BCAS3: variants seen among roughly 807,000 people sequenced by gnomAD.
BCAS3 encodes BCAS4/BCAS3 fusion.
In BCAS3, 53 loss-of-function variants were observed where a neutral mutation model predicts 116.1. The ratio of observed to expected loss-of-function variants is 0.46; its 90% CI spans 0.37 to 0.57. The LOEUF is 0.57. Ranked by LOEUF, BCAS3 falls within the 20% of genes least tolerant of loss-of-function variation. The pLI is 0.00. For missense variants in BCAS3, 917 were observed against 1,165.4 expected, an observed-to-expected ratio of 0.79 and a Z score of 3.10; for synonymous variants, 391 against 408.2, an observed-to-expected ratio of 0.96 and a Z score of 0.51.
intron 22 of BCAS3, among the ~76,000 whole-genome samples, chr17:61,284,412 A>G (rs1602408188): frequency 6.6e-6 from 1 of 152,160 alleles, no homozygotes; most frequent in Non-Finnish European, 1.5e-5. Flanking sequence ...GAGACCACGA[A>G]CCGACCGGAA....
At position 60,703,095 on chromosome 17, in the gene BCAS3, T is replaced by G. The variant is rs1374118610; in HGVS notation, c.215-6124T>G. On this transcript the variant is annotated intron_variant, in intron 4 of 23. Coordinates refer to ENST00000407086, the MANE Select transcript of BCAS3 (RefSeq NM_017679.5). ...TTTGAGACCAGCCTGGCCAACATGG[T>G]GAAACACCGTCTATACTAAAAATAC... 4.9e-5 allele frequency among the ~76,000 whole-genome samples: 7 copies of G among 142,162 alleles called. No individual in the cohort carries two copies. The South Asian group carries it at 1.6e-3, about 33-fold the overall frequency. The allele number at this position is 142,162 out of a possible 152,430, so 93.3% of individuals were successfully genotyped here.
rs374758062 is a variant in BCAS3 at position 61,318,988 on chromosome 17, A to G, written c.2426-49339A>G. On this transcript the variant is annotated intron_variant, in intron 22 of 23. Transcript: ENST00000407086. ...TTTGACCTGGTTCTGCCAGGAAGCCATGTGATCTTGAGCAAGCTCATTCTC... is the reference window on the plus strand; with the variant it reads ...TTTGACCTGGTTCTGCCAGGAAGCCGTGTGATCTTGAGCAAGCTCATTCTC... Among the ~76,000 whole-genome samples the G allele has an allele frequency of 5.3e-5, 8 of 152,230 alleles. No individual in the cohort carries two copies. The East Asian group carries it at 9.6e-4, about 18-fold the overall frequency.
chr17:60,998,390 T>C (rs564841010), intron 15 of BCAS3, among the ~76,000 whole-genome samples: 1 of 152,352 alleles, frequency 6.6e-6, no homozygotes, highest in South Asian at 2.1e-4. Flanking sequence ...TGTCAGATGG[T>C]AATTCTATTT....
rs1253389848 is a variant in BCAS3 at position 61,316,175 on chromosome 17, G to T, written c.2426-52152G>T. Reference sequence around the variant, plus strand: ...TACAAAATTAGCCAGGCATGGTGGTGCATGCCTGTGATCCCAGCTACTCAG... The same window carrying T: ...TACAAAATTAGCCAGGCATGGTGGTTCATGCCTGTGATCCCAGCTACTCAG... On this transcript the variant is annotated intron_variant, in intron 22 of 23. Transcript: ENST00000407086. This position sits in a 1 kb window ranked among gnomAD's most constrained non-coding sequence, Gnocchi z 5.8. Among the ~76,000 whole-genome samples, 1 of 152,056 alleles carries T rather than the reference G, an allele frequency of 6.6e-6. No individual in the cohort carries two copies. The highest frequency in any genetic ancestry group is 1.5e-5 in the Non-Finnish European group (1 of 68,020).
chr17:60,926,639 C>G (rs2059378791), intron 13 of BCAS3, among the ~76,000 whole-genome samples: 1 of 152,134 alleles, frequency 6.6e-6, no homozygotes, highest in Non-Finnish European at 1.5e-5. Context: ...ACTTGTAGCA[C>G]TCCACTTGGA....
At chr17:61,062,053 G>A (rs531156796) in intron 19 of BCAS3, among the ~76,000 whole-genome samples, 47 of 152,174 alleles carry the variant, frequency 3.1e-4, no homozygotes, top group African/African-American at 1.0e-3. Flanking sequence ...TTTGTTTATC[G>A]TTTTCCAACT....
rs2066892417 is a variant in BCAS3 at position 61,034,809 on chromosome 17, A to C, written c.1762+19A>C. 1.3e-6 allele frequency: 2 copies of C among 1,580,694 alleles called. No individual in the cohort carries two copies. The highest frequency in any genetic ancestry group is 1.7e-6 in the Non-Finnish European group (2 of 1,167,776). On this transcript the variant is annotated intron_variant, in intron 17 of 23. Coordinates refer to ENST00000407086, the MANE Select transcript of BCAS3 (RefSeq NM_017679.5). This position sits in a 1 kb window ranked among gnomAD's most constrained non-coding sequence, Gnocchi z 5.0. The stretch of plus-strand genomic sequence containing the variant: ...GAAAAAGGTATGTATTTTTACTGAA[A>C]AATGAATGCTCTATTTGTAATTTTT...
chr17:61,353,010 A>G (rs749021741), intron 22 of BCAS3, among the ~76,000 whole-genome samples: 65 of 152,204 alleles, frequency 4.3e-4, no homozygotes, highest in Non-Finnish European at 6.9e-4. Flanking sequence ...CTGGCAGCTG[A>G]AGGCAATTTG....
chr17:61,270,743 TTTTG>T (rs1442304417), intron 22 of BCAS3, among the ~76,000 whole-genome samples: 1 of 152,164 alleles, frequency 6.6e-6, no homozygotes, highest in South Asian at 2.1e-4. Flanking sequence ...TTTTGTTTTG[TTTTG>T]TTTGTTTGTT....
At chr17:60,793,389 C>G (rs2046944336) in intron 6 of BCAS3, among the ~76,000 whole-genome samples, 1 of 152,190 alleles carries the variant, frequency 6.6e-6, no homozygotes, top group Non-Finnish European at 1.5e-5. Flanking sequence ...GCCACCGTGC[C>G]TGGCCTTTAT....
At chr17:61,247,108 A>G (rs907898862) in intron 22 of BCAS3, among the ~76,000 whole-genome samples, 1 of 152,168 alleles carries the variant, frequency 6.6e-6, no homozygotes, top group Non-Finnish European at 1.5e-5. Flanking sequence ...TCCATGAGAA[A>G]TTATCACAGA....
At chr17:61,101,847 T>C (rs2074347366) in intron 22 of BCAS3, among the ~76,000 whole-genome samples, 1 of 152,180 alleles carries the variant, frequency 6.6e-6, no homozygotes, top group African/African-American at 2.4e-5. Context: ...TACCCATTAA[T>C]GCATGGGGAC....
At chr17:61,070,829 A>C (rs1241600978) in intron 19 of BCAS3, among the ~76,000 whole-genome samples, 1 of 152,190 alleles carries the variant, frequency 6.6e-6, no homozygotes, top group Non-Finnish European at 1.5e-5. Flanking sequence ...GACTAAAATC[A>C]AGAGACTTAC....
chr17:60,947,203 G>T lies in BCAS3; in HGVS notation c.1088-16G>T. On this transcript the variant is annotated splice_polypyrimidine_tract_variant and intron_variant, in intron 13 of 23. Transcript: ENST00000407086. ...ATAATCATTTTTATTTTTACCCTTT[G>T]TTTTTTGTCTTCCAGGAATGCTTCT... 2 of 1,601,836 alleles carry T rather than the reference G, an allele frequency of 1.2e-6. No homozygotes were observed. The highest frequency in any genetic ancestry group is 1.1e-5 in the South Asian group (1 of 90,184).
At position 61,388,810 on chromosome 17, in the gene BCAS3, C is replaced by A; in HGVS notation, c.2594-3167C>A. 1 of 1,115,436 alleles carries A rather than the reference C, an allele frequency of 9.0e-7. No homozygotes were observed. Among genetic ancestry groups the A allele is most frequent in the South Asian group, 1.4e-5 (1 of 69,976 alleles). 69.1% of individuals were successfully genotyped at this position (1,115,436 alleles called of 1,614,324 possible). A position where few individuals can be genotyped will look rare whatever the true frequency, so the allele number is the denominator to read the frequency against. On this transcript the variant is annotated intron_variant, in intron 23 of 23. Coordinates refer to ENST00000407086, the MANE Select transcript of BCAS3 (RefSeq NM_017679.5). This position sits in a 1 kb window ranked among gnomAD's most constrained non-coding sequence, Gnocchi z 6.5. ...CAGCCCTCCTCCCCTCCACTTCCCACACACACCCCTGCCTGCAGGGGGAGG... is the reference window on the plus strand; with the variant it reads ...CAGCCCTCCTCCCCTCCACTTCCCAAACACACCCCTGCCTGCAGGGGGAGG...
Position 61,037,804 on chromosome 17 carries a change from C to A in BCAS3, c.1763-85C>A. On this transcript the variant is annotated intron_variant, in intron 17 of 23. Coordinates refer to ENST00000407086, the MANE Select transcript of BCAS3 (RefSeq NM_017679.5). The surrounding 1 kb of genome is among the most constrained non-coding windows in gnomAD (Gnocchi z 4.7). ...TTCTCTGAGCAGCCTCAGGAGCAGA[C>A]TAATAAGATCATTAACTTGTAAAAA... 1.6e-6 allele frequency: 2 copies of A among 1,267,444 alleles called. No individual in the cohort carries two copies. Among genetic ancestry groups the A allele is most frequent in the South Asian group, 1.5e-5 (1 of 66,112 alleles). 78.5% of individuals were successfully genotyped at this position (1,267,444 alleles called of 1,614,324 possible). A position where few individuals can be genotyped will look rare whatever the true frequency, so the allele number is the denominator to read the frequency against.
At chr17:61,067,738 A>ATAT (rs1271397665) in intron 19 of BCAS3, among the ~76,000 whole-genome samples, 2,539 of 138,086 alleles carry the variant, frequency 0.018, 46 homozygotes, top group African/African-American at 0.074. Context: ...AAAAAAAAAA[A>ATAT]AAATATATAT....
At chr17:60,779,941 G>A (rs1401778749) in intron 6 of BCAS3, among the ~76,000 whole-genome samples, 1 of 151,622 alleles carries the variant, frequency 6.6e-6, no homozygotes, top group Non-Finnish European at 1.5e-5. Context: ...GGTGTCTATT[G>A]CAATATTTTT....
In BCAS3 at chr17:61,098,455, T is replaced by G. The variant is rs111324845; in HGVS notation, c.2425+13891T>G. 6.6e-6 allele frequency among the ~76,000 whole-genome samples: 1 copy of G among 152,186 alleles called. No homozygotes were observed. Among genetic ancestry groups the G allele is most frequent in the Non-Finnish European group, 1.5e-5 (1 of 68,044 alleles). On this transcript the variant is annotated intron_variant, in intron 22 of 23. Coordinates refer to ENST00000407086, the MANE Select transcript of BCAS3 (RefSeq NM_017679.5). This position sits in a 1 kb window ranked among gnomAD's most constrained non-coding sequence, Gnocchi z 4.2. ...CTGATATTTTGCCAAAGTTGTGACTTTAATATTCTGTGGCTTGTAATTGTG... is the reference window on the plus strand; with the variant it reads ...CTGATATTTTGCCAAAGTTGTGACTGTAATATTCTGTGGCTTGTAATTGTG...
Sources: allele counts gnomAD v4.1 joint callset (sites outside exome capture counted in the v4.1 genomes callset), GRCh38; gene constraint gnomAD v4.1.1; non-coding constraint Gnocchi (gnomAD v3.1); transcripts MANE v1.5; gene names NCBI Gene and HGNC (gene_info 2026-07-23, HGNC 2026-07-21).